Variants in RANBP3 observed in about 807,000 individuals in gnomAD.
The protein encoded by RANBP3 is ran-binding protein 3.
Under a neutral mutation model 77.3 loss-of-function variants are expected in RANBP3, and 14 were observed. The observed-to-expected ratio is 0.18, with a 90% CI of 0.12 to 0.28. RANBP3 has a LOEUF of 0.28. Ranked by LOEUF, RANBP3 falls within the 10% of genes least tolerant of loss-of-function variation. RANBP3 has a pLI of 1.00. For missense variants in RANBP3, 586 were observed against 752.3 expected (o/e 0.78, Z 2.59); for synonymous variants, 315 against 312.4 (o/e 1.01, Z -0.09).
In RANBP3 at chr19:5,959,590, T is replaced by G. The variant is rs2058375827; in HGVS notation, c.23-1617A>C. ...GGTCAGAGGGGTCTCCAACCAGACT[T>G]CCAGGTTTCCCTAAGCAGACTTCTT... On this transcript the variant is annotated intron_variant, in intron 1 of 16. Coordinates refer to ENST00000340578, the MANE Select transcript of RANBP3 (RefSeq NM_007322.3). This position sits in a 1 kb window ranked among gnomAD's most constrained non-coding sequence, Gnocchi z 5.1. Among the ~76,000 whole-genome samples the G allele has an allele frequency of 6.6e-6, 1 of 152,114 alleles. No homozygotes were observed. Among genetic ancestry groups the G allele is most frequent in the South Asian group, 2.1e-4 (1 of 4,832 alleles).
chr19:5,933,059 A>G, intron 6 of RANBP3: 1 of 290,704 alleles, frequency 3.4e-6, no homozygotes, highest in Non-Finnish European at 6.5e-6. Flanking sequence ...GCTGGAATGC[A>G]GCCACCCTGC....
rs550774149 is a variant in RANBP3, at chr19:5,924,200, C to T, written c.997-286G>A. On this transcript the variant is annotated intron_variant, in intron 11 of 16. Transcript: ENST00000340578. This position sits in a 1 kb window ranked among gnomAD's most constrained non-coding sequence, Gnocchi z 4.7. ...AAATAGAAAAAGCACAGCGTGGCCA[C>T]GAAGGAAGAGAAGCTGCAGAGTACT... 2.2e-4 allele frequency among the ~76,000 whole-genome samples: 34 copies of T among 152,304 alleles called. 1 individual carries two copies. Among genetic ancestry groups the T allele is most frequent in the African/African-American group, 5.1e-4 (21 of 41,558 alleles).
At chr19:5,925,358 A>G (rs2057890088) in intron 10 of RANBP3, 3 of 547,114 alleles carry the variant, frequency 5.5e-6, no homozygotes, top group Non-Finnish European at 9.9e-6. Flanking sequence ...GACAGAGGGC[A>G]CACTCCAAGG....
chr19:5,966,545 A>C (rs2058469985), intron 1 of RANBP3, among the ~76,000 whole-genome samples: 1 of 152,202 alleles, frequency 6.6e-6, no homozygotes, highest in Non-Finnish European at 1.5e-5. Context: ...TTCCGTATAA[A>C]CTTTCTTTCC....
At chr19:5,922,017 G>C (rs1379596197) in intron 13 of RANBP3, among the ~76,000 whole-genome samples, 2 of 152,224 alleles carry the variant, frequency 1.3e-5, no homozygotes, top group Non-Finnish European at 2.9e-5. Flanking sequence ...ACAGGAAGTG[G>C]ATCTGTGGCT....
In RANBP3 at chr19:5,921,120, C is replaced by A. The variant is rs1026323281; in HGVS notation, c.1330+81G>T. The A allele has an allele frequency of 2.7e-6, 4 of 1,501,654 alleles. No homozygotes were observed. The highest frequency in any genetic ancestry group is 3.6e-6 in the Non-Finnish European group (4 of 1,115,314). 93.0% of individuals were successfully genotyped at this position (1,501,654 alleles called of 1,614,324 possible). ...ACAAGGGTAGGGTCAGGATCTCCCC[C>A]GCTTCATTCCCTTTGGAATTGCATA... On this transcript the variant is annotated intron_variant, in intron 14 of 16. Transcript: ENST00000340578. The surrounding 1 kb of genome is among the most constrained non-coding windows in gnomAD (Gnocchi z 5.3).
At chr19:5,931,908 A>G (rs2057997492) in intron 7 of RANBP3, among the ~76,000 whole-genome samples, 1 of 151,970 alleles carries the variant, frequency 6.6e-6, no homozygotes, top group South Asian at 2.1e-4. Flanking sequence ...GGTGGTGCAC[A>G]CTTGTGGTCC....
chr19:5,940,158 G>T (rs1340130108), intron 5 of RANBP3, among the ~76,000 whole-genome samples: 1 of 152,226 alleles, frequency 6.6e-6, no homozygotes, highest in South Asian at 2.1e-4. Context: ...GTGTCTCTTG[G>T]GGGCTGCTGC....
At position 5,921,054 on chromosome 19, in the gene RANBP3, G is replaced by A; in HGVS notation, c.1330+147C>T. On this transcript the variant is annotated intron_variant, in intron 14 of 16. Transcript: ENST00000340578. The surrounding 1 kb of genome is among the most constrained non-coding windows in gnomAD (Gnocchi z 5.3). ...GCTGGGTGCAGGGAGGGGGTTTGGG[G>A]GGCGGCTCTCATGGGAGACCGACTC... The A allele has an allele frequency of 9.9e-7, 1 of 1,007,720 alleles. No individual in the cohort carries two copies. Among genetic ancestry groups the A allele is most frequent in the Non-Finnish European group, 1.4e-6 (1 of 729,472 alleles). 62.4% of individuals were successfully genotyped at this position (1,007,720 alleles called of 1,614,324 possible). A position where few individuals can be genotyped will look rare whatever the true frequency, so the allele number is the denominator to read the frequency against.
At chr19:5,956,589 A>C (rs1052913021) in intron 2 of RANBP3, among the ~76,000 whole-genome samples, 2 of 152,238 alleles carry the variant, frequency 1.3e-5, no homozygotes, top group African/African-American at 4.8e-5. Flanking sequence ...TTAGTAGATA[A>C]GTCCAGGCTA....
intron 3 of RANBP3, 64 bp downstream of exon 3, chr19:5,951,329 A>G (rs918851661): frequency 4.7e-5 from 67 of 1,433,182 alleles, no homozygotes; most frequent in Middle Eastern, 2.3e-4. Context: ...ACCCGAAGGG[A>G]AAGTGGCTGG....
intron 1 of RANBP3, among the ~76,000 whole-genome samples, chr19:5,961,600 G>A (rs868389107): frequency 1.8e-4 from 28 of 152,246 alleles, no homozygotes; most frequent in African/African-American, 6.7e-4. Context: ...CAGGCGTGGT[G>A]GCGCAACCTG....
In RANBP3 at chr19:5,917,945, G is replaced by T. The variant is rs368415385; in HGVS notation, c.1509C>A (p.Ala503=). Residue 503 remains alanine (A), a synonymous_variant, in exon 16 of 17, where the codon GCC becomes GCA. Transcript: ENST00000340578. ...SSKDTGQLYA[A]LHHRILALRS... ...GCAGGGCCAGGATGCGGTGGTGCAGGGCTGCATACAACTGACCTGTGTCCT... is the reference window on the plus strand; with the variant it reads ...GCAGGGCCAGGATGCGGTGGTGCAGTGCTGCATACAACTGACCTGTGTCCT... 26 of 1,610,546 alleles carry T rather than the reference G, an allele frequency of 1.6e-5. No individual in the cohort carries two copies. In the African/African-American group the frequency reaches 3.1e-4, roughly 19 times the overall value.
chr19:5,940,401 G>A (rs1286991616), intron 5 of RANBP3, among the ~76,000 whole-genome samples: 1 of 152,222 alleles, frequency 6.6e-6, no homozygotes, highest in African/African-American at 2.4e-5. Context: ...TAAATTAAAA[G>A]GATGCCAACT....
In RANBP3 at chr19:5,977,976, T is replaced by C; in HGVS notation, c.22+85A>G. 3.9e-6 allele frequency: 6 copies of C among 1,554,802 alleles called. No individual in the cohort carries two copies. The South Asian group carries it at 5.9e-5, about 15-fold the overall frequency. On this transcript the variant is annotated intron_variant, in intron 1 of 16. Transcript: ENST00000340578. ...CGGACGAAACCCTTGCACTCTGCGGTGCTCCCCCCAAGGGCTTGTGGCCCC... is the reference window on the plus strand; with the variant it reads ...CGGACGAAACCCTTGCACTCTGCGGCGCTCCCCCCAAGGGCTTGTGGCCCC...
intron 1 of RANBP3, among the ~76,000 whole-genome samples, chr19:5,972,289 C>T (rs1329342094): frequency 6.6e-6 from 1 of 152,188 alleles, no homozygotes; most frequent in Non-Finnish European, 1.5e-5. Context: ...TGAAGCCCAT[C>T]CAGGGCTGAG....
rs2058376698 is a variant in RANBP3 at position 5,959,681 on chromosome 19, G to T, written c.23-1708C>A. On this transcript the variant is annotated intron_variant, in intron 1 of 16. Transcript: ENST00000340578. The surrounding 1 kb of genome is among the most constrained non-coding windows in gnomAD (Gnocchi z 5.1). The stretch of plus-strand genomic sequence containing the variant: ...AATGCACCTATGCCAGGCAATAAAT[G>T]ATGTCAAAGGAATGCTGGGGGACTC... 6.6e-6 allele frequency among the ~76,000 whole-genome samples: 1 copy of T among 152,140 alleles called. No individual in the cohort carries two copies. Among genetic ancestry groups the T allele is most frequent in the Admixed American group, 6.5e-5 (1 of 15,282 alleles).
intron 1 of RANBP3, among the ~76,000 whole-genome samples, chr19:5,964,852 T>TGGGG (rs386388443): frequency 0.027 from 451 of 16,964 alleles, 23 homozygotes; most frequent in Non-Finnish European, 0.041. Context: ...GGTGGTAGGG[T>TGGGG]GGGGGGGGGG....
chr19:5,962,398 G>T (rs1394187179), intron 1 of RANBP3, among the ~76,000 whole-genome samples: 3 of 152,100 alleles, frequency 2.0e-5, no homozygotes, highest in Non-Finnish European at 4.4e-5. Context: ...ACCCCTAGAT[G>T]TAAGTTCTAG....
Sources: allele counts gnomAD v4.1 joint callset (sites outside exome capture counted in the v4.1 genomes callset), GRCh38; gene constraint gnomAD v4.1.1; non-coding constraint Gnocchi (gnomAD v3.1); transcripts MANE v1.5; gene names NCBI Gene and HGNC (gene_info 2026-07-23, HGNC 2026-07-21).